Variants in USP44 observed in about 807,000 individuals in gnomAD.
USP44 encodes ubiquitin specific peptidase 44, also known as ubiquitin carboxyl-terminal hydrolase 44.
Under a neutral mutation model 69.0 loss-of-function variants are expected in USP44, and 61 were observed. The ratio of observed to expected loss-of-function variants is 0.88; its 90% CI spans 0.72 to 1.09. The LOEUF (loss-of-function observed/expected upper bound fraction) is 1.09, where lower values mean the gene tolerates loss of function less well. USP44 is among the 50% of genes least tolerant of loss of function. The pLI is 0.00. For missense variants in USP44, 753 were observed against 849.9 expected, an observed-to-expected ratio of 0.89 and a Z score of 1.42; for synonymous variants, 297 against 295.4, an observed-to-expected ratio of 1.01 and a Z score of -0.06.
chr12:95,518,022 A>C lies in USP44; in HGVS notation c.*132T>G. ...ATACATTTATACTTTGTAAAAAAAA[A>C]AATTGTTAGATATAAAATGTATAAA... On this transcript the variant is annotated 3_prime_UTR_variant, in exon 6 of 6. Transcript: ENST00000258499. 2 of 978,828 alleles carry C rather than the reference A, an allele frequency of 2.0e-6. No individual in the cohort carries two copies. Among genetic ancestry groups the C allele is most frequent in the South Asian group, 4.1e-5 (2 of 48,816 alleles). The allele number at this position is 978,828 out of a possible 1,614,324, so 60.6% of individuals were successfully genotyped here. A position where few individuals can be genotyped will look rare whatever the true frequency, so the allele number is the denominator to read the frequency against.
chr12:95,538,185 G>A (rs571260395), intron 1 of USP44, among the ~76,000 whole-genome samples: 25 of 152,064 alleles, frequency 1.6e-4, no homozygotes, highest in African/African-American at 5.6e-4. Flanking sequence ...CTAAATCCCC[G>A]AGTTTAACAC....
intron 2 of USP44, among the ~76,000 whole-genome samples, chr12:95,531,165 AAAAAAC>A (rs1222755889): frequency 2.0e-5 from 3 of 152,054 alleles, no homozygotes; most frequent in South Asian, 2.1e-4. Flanking sequence ...CTCTGTCTCA[AAAAAAC>A]AAAAACAAAA....
In USP44 at chr12:95,546,257, T is replaced by C. The variant is rs555811397; in HGVS notation, c.-71+5015A>G. ...AAATTGAATTCAAATACTCTGTGTGTAAAATGCCTAGACTCTGTCATTCCA... is the reference window on the plus strand; with the variant it reads ...AAATTGAATTCAAATACTCTGTGTGCAAAATGCCTAGACTCTGTCATTCCA... On this transcript the variant is annotated intron_variant, in intron 1 of 5. Transcript: ENST00000258499. Among the ~76,000 whole-genome samples the C allele has an allele frequency of 9.2e-5, 14 of 152,290 alleles. 1 individual carries two copies. The highest frequency in any genetic ancestry group is 3.1e-4 in the African/African-American group (13 of 41,520).
chr12:95,518,088 A>G lies in USP44; in HGVS notation c.*66T>C. Reference sequence around the variant, plus strand: ...TTCACAAGAAAAAATGAAGTTTAAAATGGTACATCAGTCTTTTAAAAAGTA... The same window carrying G: ...TTCACAAGAAAAAATGAAGTTTAAAGTGGTACATCAGTCTTTTAAAAAGTA... On this transcript the variant is annotated 3_prime_UTR_variant, in exon 6 of 6. Transcript: ENST00000258499. The G allele has an allele frequency of 2.0e-6, 3 of 1,537,390 alleles. No individual in the cohort carries two copies. The highest frequency in any genetic ancestry group is 2.7e-6 in the Non-Finnish European group (3 of 1,127,176).
chr12:95,526,421 A>C (rs895772244), intron 3 of USP44, among the ~76,000 whole-genome samples: 3 of 152,038 alleles, frequency 2.0e-5, no homozygotes, highest in African/African-American at 7.2e-5. Context: ...AAATACAAAA[A>C]ATTAGCCAGG....
intron 4 of USP44, chr12:95,521,944 A>G (rs1414952057): frequency 1.4e-6 from 1 of 725,680 alleles, no homozygotes; most frequent in Non-Finnish European, 1.7e-6. Flanking sequence ...TTCAGACTAA[A>G]ACAACAGGAA....
At position 95,534,777 on chromosome 12, in the gene USP44, G is replaced by A. The variant is rs149981560; in HGVS notation, c.-70-451C>T. ...TGCAACCCCTGCCTCCTGGGCTCAC[G>A]TGATTGCTGTGCCTCAGCCTCCCGG... is the stretch of plus-strand genomic sequence containing the variant. On this transcript the variant is annotated intron_variant, in intron 1 of 5. Coordinates refer to ENST00000258499, the MANE Select transcript of USP44 (RefSeq NM_032147.5). 4.0e-5 allele frequency among the ~76,000 whole-genome samples: 6 copies of A among 151,522 alleles called. No homozygotes were observed. The East Asian group carries it at 1.2e-3, about 29-fold the overall frequency.
chr12:95,531,120 C>T (rs571592534), intron 2 of USP44, among the ~76,000 whole-genome samples: 1 of 151,742 alleles, frequency 6.6e-6, no homozygotes, highest in African/African-American at 2.4e-5. Flanking sequence ...GCCGAGATCG[C>T]GCCACTGCAC....
At position 95,518,055 on chromosome 12, in the gene USP44, T is replaced by C; in HGVS notation, c.*99A>G. ...AGATATAAAATGTATAAATGTAGTA[T>C]ACACTGATTCACAAGAAAAAATGAA... On this transcript the variant is annotated 3_prime_UTR_variant, in exon 6 of 6. Transcript: ENST00000258499. The C allele has an allele frequency of 7.6e-7, 1 of 1,312,346 alleles. No individual in the cohort carries two copies. Among genetic ancestry groups the C allele is most frequent in the Non-Finnish European group, 1.1e-6 (1 of 946,554 alleles). 81.3% of individuals were successfully genotyped at this position (1,312,346 alleles called of 1,614,324 possible). A position where few individuals can be genotyped will look rare whatever the true frequency, so the allele number is the denominator to read the frequency against.
At chr12:95,523,355 GCT>G (rs1359016486) in intron 4 of USP44, among the ~76,000 whole-genome samples, 4 of 152,140 alleles carry the variant, frequency 2.6e-5, no homozygotes, top group Non-Finnish European at 5.9e-5. Context: ...GTGGGACTGA[GCT>G]CTCCATCTGT....
At chr12:95,541,798 C>T (rs10777701) in intron 1 of USP44, among the ~76,000 whole-genome samples, 53,884 of 151,428 alleles carry the variant, frequency 0.36, 10,296 homozygotes, top group African/African-American at 0.49. Flanking sequence ...CCCCAGCTAA[C>T]TTCCAGAACT....
intron 1 of USP44, among the ~76,000 whole-genome samples, chr12:95,536,176 G>T (rs529149996): frequency 9.3e-4 from 141 of 151,372 alleles, no homozygotes; most frequent in African/African-American, 3.0e-3. Context: ...CCCAGTAGCT[G>T]AGACCACAGG....
At chr12:95,550,259 C>T (rs1428751671) in intron 1 of USP44, among the ~76,000 whole-genome samples, 20 of 144,494 alleles carry the variant, frequency 1.4e-4, no homozygotes, top group Non-Finnish European at 6.1e-5. Context: ...AAAATAGCAA[C>T]AATGTCTAAT....
chr12:95,549,978 A>G (rs1426166421), intron 1 of USP44, among the ~76,000 whole-genome samples: 1 of 152,136 alleles, frequency 6.6e-6, no homozygotes, highest in Non-Finnish European at 1.5e-5. Flanking sequence ...CAGGAGTTCG[A>G]GAGCAGCCTG....
chr12:95,522,335 C>T (rs567684712), intron 4 of USP44, among the ~76,000 whole-genome samples: 10 of 152,036 alleles, frequency 6.6e-5, no homozygotes, highest in South Asian at 6.3e-4. Flanking sequence ...TAAAATGGCA[C>T]GGAACTAAAG....
At chr12:95,543,914 C>A (rs925169500) in intron 1 of USP44, among the ~76,000 whole-genome samples, 1 of 128,694 alleles carries the variant, frequency 7.8e-6, no homozygotes, top group African/African-American at 3.0e-5. Flanking sequence ...TTGCAGCGAG[C>A]CGAGATCGCG....
chr12:95,544,284 T>C (rs1226788307), intron 1 of USP44, among the ~76,000 whole-genome samples: 1 of 151,954 alleles, frequency 6.6e-6, no homozygotes, highest in African/African-American at 2.4e-5. Context: ...CTCGATCTCC[T>C]GACCTTGTGA....
In USP44 at chr12:95,533,725, C is replaced by A; in HGVS notation, c.532G>T (p.Glu178Ter). The change falls in exon 2 of 6, where the codon GAA becomes TAA. Residue 178 changes from glutamate (E) to a stop codon, truncating the protein, a stop_gained. Coordinates refer to ENST00000258499, the MANE Select transcript of USP44 (RefSeq NM_032147.5). LOFTEE classifies it high-confidence loss of function. ...QSPIGRKKQE[E>*]PFQEKIVVKR... ...ACTACTATTTTTTCCTGAAATGGTTCTTCTTGCTTTTTTCTTCCAATGGGT... is the reference window on the plus strand; with the variant it reads ...ACTACTATTTTTTCCTGAAATGGTTATTCTTGCTTTTTTCTTCCAATGGGT... 1.9e-6 allele frequency: 3 copies of A among 1,613,988 alleles called. No individual in the cohort carries two copies. The highest frequency in any genetic ancestry group is 2.5e-6 in the Non-Finnish European group (3 of 1,179,988).
rs537007429 is a variant in USP44 at position 95,520,866 on chromosome 12, G to A, written c.1939+131C>T. ...CTCTCATTTTTTAGTACCTGCAGAG[G>A]CATTCTCCCTAAGAAAATAAGTGGT... On this transcript the variant is annotated intron_variant, in intron 5 of 5. Transcript: ENST00000258499. 386 of 760,704 alleles carry A rather than the reference G, an allele frequency of 5.1e-4. 1 individual carries two copies. The highest frequency in any genetic ancestry group is 3.4e-3 in the Middle Eastern group (9 of 2,672). The allele number at this position is 760,704 out of a possible 1,614,324, so 47.1% of individuals were successfully genotyped here.
Sources: allele counts gnomAD v4.1 joint callset (sites outside exome capture counted in the v4.1 genomes callset), GRCh38; gene constraint gnomAD v4.1.1; transcripts MANE v1.5; gene names NCBI Gene and HGNC (gene_info 2026-07-23, HGNC 2026-07-21).